SEMA3F: variants seen among roughly 807,000 people sequenced by gnomAD.
SEMA3F encodes the protein semaphorin-3F.
Under a neutral mutation model 98.5 loss-of-function variants are expected in SEMA3F, and 30 were observed. The ratio of observed to expected loss-of-function variants is 0.30; its 90% CI spans 0.23 to 0.41. The LOEUF is 0.41. Among genes scored for constraint, SEMA3F ranks in the 10% least tolerant of loss-of-function variants. The probability of loss-of-function intolerance (pLI) is 1.00; values close to 1 mark genes in which losing one functional copy is unlikely to be tolerated. For synonymous variants in SEMA3F, 380 were observed against 444.8 expected (o/e 0.85, Z 1.83); for missense variants, 866 against 1,119.3 (o/e 0.77, Z 3.23).
chr3:50,187,988 A>G lies in SEMA3F; in HGVS notation c.2231A>G (p.Gln744Arg). 6.2e-7 allele frequency: 1 copy of G among 1,607,688 alleles called. No individual in the cohort carries two copies. The highest frequency in any genetic ancestry group is 8.5e-7 in the Non-Finnish European group (1 of 1,177,928). ...CAGCCAGAAGTGGGCCTCATCCACC[A>G]GTACTGCCAGGGTTACTGGCGCCAT... ...LAQPEVGLIH[Q>R]YCQGYWRHVP... Residue 744 changes from glutamine to arginine, a missense_variant, in exon 19 of 19, where the codon CAG (glutamine) becomes CGG (arginine). Physicochemically the swap from Gln to Arg is conservative, Grantham distance 43. Transcript: ENST00000002829.
chr3:50,179,413 C>T (rs1698942945), intron 7 of SEMA3F, among the ~76,000 whole-genome samples: 2 of 151,704 alleles, frequency 1.3e-5, no homozygotes, highest in Admixed American at 1.3e-4. Context: ...ACAACCCCTG[C>T]CTCCTGGGTT....
chr3:50,170,781 C>A (rs1241170618), intron 2 of SEMA3F, among the ~76,000 whole-genome samples: 3 of 152,084 alleles, frequency 2.0e-5, no homozygotes, highest in African/African-American at 7.2e-5. Context: ...CCATGCGCGA[C>A]CTCCTGGGGC....
chr3:50,159,728 T>G lies in SEMA3F; in HGVS notation c.106T>G (p.Phe36Val). Residue 36 changes from phenylalanine (F) to valine (V), a missense_variant, in exon 2 of 19, where the codon TTC (phenylalanine) becomes GTC (valine). Phe to Val is a conservative substitution (Grantham distance 50). This residue lies in a region of SEMA3F where 247 missense variants were observed against 276.0 expected (regional missense o/e 0.89). Coordinates refer to ENST00000002829, the MANE Select transcript of SEMA3F (RefSeq NM_004186.5). ...LPATPRVRLS[F>V]KELKATGTAH... is the part of the protein sequence containing the mutation. ...GGCCACGCCCCGGGTCCGGCTCTCA[T>G]TCAAAGGTAAGAAGCTGTTTTGTTC... The G allele has an allele frequency of 6.2e-7, 1 of 1,604,738 alleles. No individual in the cohort carries two copies. The highest frequency in any genetic ancestry group is 8.5e-7 in the Non-Finnish European group (1 of 1,172,430).
In SEMA3F at chr3:50,182,164, T is replaced by C. The variant is rs1699036902; in HGVS notation, c.644-120T>C. 1.4e-5 allele frequency: 18 copies of C among 1,268,390 alleles called. No individual in the cohort carries two copies. The highest frequency in any genetic ancestry group is 2.4e-5 in the East Asian group (1 of 41,784). The allele number at this position is 1,268,390 out of a possible 1,614,324, so 78.6% of individuals were successfully genotyped here. A position where few individuals can be genotyped will look rare whatever the true frequency, so the allele number is the denominator to read the frequency against. Reference sequence around the variant, plus strand: ...ACACTGACCAGCACTCCACTGGAGATAGGATCATGCCCCAGGGAGCCTGAG... The same window carrying C: ...ACACTGACCAGCACTCCACTGGAGACAGGATCATGCCCCAGGGAGCCTGAG... On this transcript the variant is annotated intron_variant, in intron 7 of 18. Transcript: ENST00000002829. The surrounding 1 kb of genome is among the most constrained non-coding windows in gnomAD (Gnocchi z 4.5).
chr3:50,176,332 C>T (rs1698806892), intron 6 of SEMA3F, among the ~76,000 whole-genome samples: 1 of 152,214 alleles, frequency 6.6e-6, no homozygotes, highest in Admixed American at 6.5e-5. Context: ...GGCCCTTAAC[C>T]AGTCACTCCT....
At chr3:50,174,470 A>AAAGAAGTCACTCACCCAAG in intron 5 of SEMA3F, 120 bp downstream of exon 5, 1 of 1,249,384 alleles carries the variant, frequency 8.0e-7, no homozygotes, top group Non-Finnish European at 1.1e-6. Context: ...ACCTTGGGTG[A>AAAGAAGTCACTCACCCAAG]GTGACTTCTT....
At position 50,166,887 on chromosome 3, in the gene SEMA3F, G is replaced by T. The variant is rs1698425422; in HGVS notation, c.113-6906G>T. On this transcript the variant is annotated intron_variant, in intron 2 of 18. Coordinates refer to ENST00000002829, the MANE Select transcript of SEMA3F (RefSeq NM_004186.5). This position sits in a 1 kb window ranked among gnomAD's most constrained non-coding sequence, Gnocchi z 4.7. ...GAAGGAGTGAGGGGTTTCCGGGCCA[G>T]GTCTGGAATGTGGGAGGAGGAGGTG... Among the ~76,000 whole-genome samples, 1 of 152,030 alleles carries T rather than the reference G, an allele frequency of 6.6e-6. No homozygotes were observed.
rs777381591 is a variant in SEMA3F, at chr3:50,186,233, G to C, written c.1746-48G>C. On this transcript the variant is annotated intron_variant, in intron 16 of 18. Transcript: ENST00000002829. ...GAGTCAGGGAGATACAGGGACCTGG[G>C]GGGGCAAGCTTCCTGGGAGCACTCC... The C allele has an allele frequency of 1.5e-5, 24 of 1,592,538 alleles. No homozygotes were observed. In the Middle Eastern group the frequency reaches 5.0e-4, roughly 33 times the overall value.
In SEMA3F at chr3:50,174,226, C is replaced by T. The variant is rs780395946; in HGVS notation, c.337-5C>T. On this transcript the variant is annotated splice_region_variant and splice_polypyrimidine_tract_variant and intron_variant, in intron 4 of 18. Transcript: ENST00000002829. ...GCACCTATGCAGCCTTCCCTGTGGC[C>T]CCAGGGCGAGTGTGGGAACTTCGTC... 6.2e-7 allele frequency: 1 copy of T among 1,613,712 alleles called. No individual in the cohort carries two copies.
chr3:50,186,191 A>G (rs1320967961), intron 16 of SEMA3F, 90 bp from the exon 17 acceptor site: 11 of 1,496,158 alleles, frequency 7.4e-6, no homozygotes, highest in Non-Finnish European at 8.2e-6. Flanking sequence ...GCCCTGGGGA[A>G]AAAGGGCCCT....
At chr3:50,181,297 T>C (rs946866684) in intron 7 of SEMA3F, among the ~76,000 whole-genome samples, 1 of 151,912 alleles carries the variant, frequency 6.6e-6, no homozygotes, top group African/African-American at 2.4e-5. Flanking sequence ...GCTCTTTTTT[T>C]GTTTTTTTGT....
chr3:50,168,052 C>T (rs992479301), intron 2 of SEMA3F, among the ~76,000 whole-genome samples: 3 of 152,190 alleles, frequency 2.0e-5, no homozygotes, highest in African/African-American at 7.2e-5. Flanking sequence ...TAATTAGTTG[C>T]TAATTGGGTG....
In SEMA3F at chr3:50,182,578, C is replaced by G. The variant is rs545776153; in HGVS notation, c.764-66C>G. 1.1e-5 allele frequency: 18 copies of G among 1,592,194 alleles called. No individual in the cohort carries two copies. The Admixed American group carries it at 2.2e-4, about 19-fold the overall frequency. Reference sequence around the variant, plus strand: ...GTGTTCTTGCACCTGGCTGGGGATTCTGTTGGAGAACATCAGGGGCACCAT... The same window carrying G: ...GTGTTCTTGCACCTGGCTGGGGATTGTGTTGGAGAACATCAGGGGCACCAT... On this transcript the variant is annotated intron_variant, in intron 8 of 18. Transcript: ENST00000002829. The surrounding 1 kb of genome is among the most constrained non-coding windows in gnomAD (Gnocchi z 4.5).
At position 50,183,385 on chromosome 3, in the gene SEMA3F, T is replaced by C. The variant is rs762954135; in HGVS notation, c.1089-35T>C. On this transcript the variant is annotated intron_variant, in intron 11 of 18. Coordinates refer to ENST00000002829, the MANE Select transcript of SEMA3F (RefSeq NM_004186.5). ...TTGGGGAGGGGCCCTAGGTGGAGGGTCTGTCCTGCTCAGCAGCGCCTGCCA... is the reference window on the plus strand; with the variant it reads ...TTGGGGAGGGGCCCTAGGTGGAGGGCCTGTCCTGCTCAGCAGCGCCTGCCA... The C allele has an allele frequency of 2.5e-6, 4 of 1,611,862 alleles. No individual in the cohort carries two copies. The South Asian group carries it at 4.4e-5, about 18-fold the overall frequency.
intron 2 of SEMA3F, among the ~76,000 whole-genome samples, chr3:50,161,832 C>A (rs566312989): frequency 3.4e-4 from 52 of 152,302 alleles, no homozygotes; most frequent in African/African-American, 1.1e-3. Context: ...CCTGTGTATC[C>A]CCCTACACTG....
At chr3:50,186,410 G>A (rs1218122408) in intron 17 of SEMA3F, 62 bp downstream of exon 17, 6 of 1,544,732 alleles carry the variant, frequency 3.9e-6, no homozygotes, top group Admixed American at 3.4e-5. Flanking sequence ...CGCAGCCCAC[G>A]AAGCTGCTCA....
chr3:50,172,045 A>G (rs1575390073), intron 2 of SEMA3F, among the ~76,000 whole-genome samples: 1 of 151,802 alleles, frequency 6.6e-6, no homozygotes, highest in East Asian at 1.9e-4. Flanking sequence ...CCTCTGCCCC[A>G]CCTTCAGGCT....
Position 50,176,794 on chromosome 3 carries a change from G to C in SEMA3F, c.576G>C (p.Glu192Asp), listed in dbSNP as rs569472089. 2.5e-4 allele frequency: 407 copies of C among 1,613,518 alleles called. 5 individuals are homozygous for C. In the South Asian group the frequency reaches 3.8e-3, roughly 15 times the overall value. ...RQDYIFYLEP[E>D]RLESGKGKCP... is the part of the protein sequence containing the mutation. ...ATTACATCTTCTACCTGGAGCCTGA[G>C]CGACTCGAGTCAGGGAAGGGCAAGT... The change falls in exon 7 of 19, where the codon GAG becomes GAC. Residue 192 changes from glutamate (E) to aspartate (D), a missense_variant. Physicochemically the swap from Glu to Asp is conservative, Grantham distance 45. Transcript: ENST00000002829.
At chr3:50,184,907 C>A in intron 13 of SEMA3F, 93 bp downstream of exon 13, 1 of 888,928 alleles carries the variant, frequency 1.1e-6, no homozygotes, top group Non-Finnish European at 1.8e-6. Context: ...CTAGGGCTTG[C>A]TGCAAGCTCA....
Sources: gnomAD v4.1 joint callset for allele counts (sites outside exome capture counted in the v4.1 genomes callset) on GRCh38, gnomAD v4.1.1 for gene constraint, gnomAD v4.1.1 regional missense constraint, Gnocchi (gnomAD v3.1) non-coding constraint, MANE v1.5 for transcripts, NCBI Gene and HGNC (gene_info 2026-07-23, HGNC 2026-07-21) for gene names.